GOT1: variants seen among roughly 807,000 people sequenced by gnomAD.
GOT1 encodes the protein aspartate aminotransferase, cytoplasmic.
Under a neutral mutation model 48.2 loss-of-function variants are expected in GOT1, and 25 were observed. That is an observed-to-expected ratio of 0.52 (90% CI 0.38 to 0.72). GOT1 has a LOEUF of 0.72. GOT1 is among the 30% of genes least tolerant of loss of function. The pLI, the probability that GOT1 is intolerant of heterozygous loss-of-function variation, is 0.00. For synonymous variants in GOT1, 188 were observed against 193.8 expected, an observed-to-expected ratio of 0.97 and a Z score of 0.25; for missense variants, 380 against 520.1, an observed-to-expected ratio of 0.73 and a Z score of 2.62.
rs754876320 is a variant in GOT1 at position 99,402,747 on chromosome 10, T to C, written c.960-25A>G. The stretch of plus-strand genomic sequence containing the variant: ...CCTGAAGCATGGACAGTGACGTAAA[T>C]ACCAATCCAGACAGGAAAGATGGTA... On this transcript the variant is annotated intron_variant, in intron 7 of 8. Coordinates refer to ENST00000370508, the MANE Select transcript of GOT1 (RefSeq NM_002079.3). The C allele has an allele frequency of 4.4e-6, 7 of 1,605,404 alleles. No individual in the cohort carries two copies. In the East Asian group the frequency reaches 8.9e-5, roughly 20 times the overall value.
At chr10:99,415,255 G>A (rs1220919974) in intron 2 of GOT1, among the ~76,000 whole-genome samples, 1 of 151,938 alleles carries the variant, frequency 6.6e-6, no homozygotes, top group African/African-American at 2.4e-5. Flanking sequence ...AATGATAAAG[G>A]GGATATCACC....
In GOT1 at chr10:99,403,530, G is replaced by A; in HGVS notation, c.898C>T (p.Pro300Ser). 2 of 1,614,138 alleles carry A rather than the reference G, an allele frequency of 1.2e-6. No individual in the cohort carries two copies. The highest frequency in any genetic ancestry group is 1.7e-6 in the Non-Finnish European group (2 of 1,180,024). Reference protein sequence around the residue: ...KIVRITWSNPPAQGARIVAST... With the variant: ...KIVRITWSNPSAQGARIVAST... ...GCCACAATTCGTGCTCCCTGGGCGG[G>A]GGGATTGGACCAAGTAATCCGCACG... The change falls in exon 7 of 9, where the codon CCC (proline) becomes TCC (serine). Residue 300 changes from proline to serine, a missense_variant. Transcript: ENST00000370508.
rs368123167 is a variant in GOT1 at position 99,420,699 on chromosome 10, C to G, written c.225G>C (p.Leu75=). Residue 75 remains leucine (L), a synonymous_variant, in exon 2 of 9, where the codon CTG becomes CTC. Coordinates refer to ENST00000370508, the MANE Select transcript of GOT1 (RefSeq NM_002079.3). ...NSLNHEYLPI[L]GLAEFRSCAS... is the part of the protein sequence containing the mutation. Reference sequence around the variant, plus strand: ...CACAGCTCCGGAACTCAGCCAGGCCCAGGATTGGCAGATACTCGTGATTTA... The same window carrying G: ...CACAGCTCCGGAACTCAGCCAGGCCGAGGATTGGCAGATACTCGTGATTTA... The G allele has an allele frequency of 2.5e-6, 4 of 1,613,956 alleles. No individual in the cohort carries two copies. The highest frequency in any genetic ancestry group is 3.4e-6 in the Non-Finnish European group (4 of 1,179,848).
chr10:99,403,255 C>A (rs1372236413), intron 7 of GOT1, among the ~76,000 whole-genome samples: 1 of 152,090 alleles, frequency 6.6e-6, no homozygotes, highest in Non-Finnish European at 1.5e-5. Flanking sequence ...AACTACCATT[C>A]ATCGAGTGCC....
intron 4 of GOT1, 30 bp downstream of exon 4, chr10:99,406,107 A>G (rs764454596): frequency 2.1e-6 from 3 of 1,420,084 alleles, no homozygotes; most frequent in African/African-American, 2.8e-5. Flanking sequence ...ACACCATGCA[A>G]TTCTCTACTT....
chr10:99,424,205 T>G (rs997745072), intron 1 of GOT1, among the ~76,000 whole-genome samples: 1 of 152,230 alleles, frequency 6.6e-6, no homozygotes, highest in Non-Finnish European at 1.5e-5. Flanking sequence ...TCTCATTATT[T>G]TGAATAGCCT....
In GOT1 at chr10:99,406,780, A is replaced by G; in HGVS notation, c.370T>C (p.Tyr124His). 3 of 1,613,824 alleles carry G rather than the reference A, an allele frequency of 1.9e-6. No individual in the cohort carries two copies. The highest frequency in any genetic ancestry group is 2.5e-6 in the Non-Finnish European group (3 of 1,179,780). ...GTGTTCTTGTTGTTTGTTCCATTGT[A>G]CCAACGCGCTAAGAAATCAGCTCCA... is the stretch of plus-strand genomic sequence containing the variant. The part of the protein sequence containing the change: ...RIGADFLARW[Y>H]NGTNNKNTPV... Residue 124 changes from tyrosine (Y) to histidine (H), a missense_variant, in exon 3 of 9, where the codon TAC becomes CAC. By Grantham distance (83) the Tyr-to-His change is moderately conservative. Coordinates refer to ENST00000370508, the MANE Select transcript of GOT1 (RefSeq NM_002079.3).
chr10:99,424,342 A>G (rs1173451326), intron 1 of GOT1, among the ~76,000 whole-genome samples: 1 of 152,242 alleles, frequency 6.6e-6, no homozygotes, highest in East Asian at 1.9e-4. Flanking sequence ...ATTTTAAAAA[A>G]TGATCCCTTG....
chr10:99,406,613 C>T, intron 3 of GOT1, 113 bp downstream of exon 3: 1 of 1,056,450 alleles, frequency 9.5e-7, no homozygotes, highest in Non-Finnish European at 1.4e-6. Flanking sequence ...CAAGCCATTC[C>T]CAACAGTCAG....
chr10:99,412,476 T>C (rs2032839139), intron 2 of GOT1, among the ~76,000 whole-genome samples: 1 of 151,590 alleles, frequency 6.6e-6, no homozygotes, highest in African/African-American at 2.4e-5. Context: ...ATTAGTGAAC[T>C]AAGACAGCAG....
chr10:99,429,708 G>A (rs1276288775), intron 1 of GOT1, among the ~76,000 whole-genome samples: 1 of 152,146 alleles, frequency 6.6e-6, no homozygotes, highest in African/African-American at 2.4e-5. Context: ...GGGAAACTGA[G>A]GCCCATGCTC....
At chr10:99,401,205 A>T (rs1223596219) in intron 8 of GOT1, among the ~76,000 whole-genome samples, 1 of 152,226 alleles carries the variant, frequency 6.6e-6, no homozygotes. Flanking sequence ...TAATATTTTT[A>T]TAATTGTGAG....
At chr10:99,419,892 T>G (rs1464440214) in intron 2 of GOT1, among the ~76,000 whole-genome samples, 1 of 152,200 alleles carries the variant, frequency 6.6e-6, no homozygotes, top group Admixed American at 6.5e-5. Context: ...TTCCACTTCC[T>G]GGAACACACA....
intron 2 of GOT1, among the ~76,000 whole-genome samples, chr10:99,418,188 C>T (rs4919309): frequency 0.056 from 8,526 of 151,846 alleles, 359 homozygotes; most frequent in Middle Eastern, 0.1. Flanking sequence ...ATGAAGATGG[C>T]CTTTTAAAAT....
Position 99,397,334 on chromosome 10 carries a change from T to C in GOT1, c.*213A>G. ...TTCTTAAATAAAAATCTTAATTTGC[T>C]TTGACCTCCAAAGGCTCTAATCCCA... On this transcript the variant is annotated 3_prime_UTR_variant, in exon 9 of 9. Coordinates refer to ENST00000370508, the MANE Select transcript of GOT1 (RefSeq NM_002079.3). This position sits in a 1 kb window ranked among gnomAD's most constrained non-coding sequence, Gnocchi z 5.4. 1 of 588,228 alleles carries C rather than the reference T, an allele frequency of 1.7e-6. No homozygotes were observed. 36.4% of individuals were successfully genotyped at this position (588,228 alleles called of 1,614,324 possible).
chr10:99,425,591 T>C lies in GOT1; in HGVS notation c.119-4786A>G, dbSNP rs538879286. Among the ~76,000 whole-genome samples the C allele has an allele frequency of 8.5e-5, 13 of 152,264 alleles. 1 individual carries two copies. In the South Asian group the frequency reaches 1.9e-3, roughly 22 times the overall value. ...GCAGGGATGAAGAAAAGGGGTGCCA[T>C]TGGAAATAGATTCGAGGTAGAAAAG... On this transcript the variant is annotated intron_variant, in intron 1 of 8. Transcript: ENST00000370508.
intron 1 of GOT1, among the ~76,000 whole-genome samples, chr10:99,428,796 T>G (rs1001061038): frequency 6.6e-6 from 1 of 152,234 alleles, no homozygotes. Flanking sequence ...CAAATTCAAT[T>G]TGAGGCAATC....
intron 1 of GOT1, 105 bp from the exon 2 acceptor site, chr10:99,420,910 A>G: frequency 1.1e-6 from 1 of 900,468 alleles, no homozygotes; most frequent in Middle Eastern, 2.3e-4. Flanking sequence ...CGGTCAAAAC[A>G]GAACAGTGAA....
At chr10:99,410,300 C>A (rs1473663134) in intron 2 of GOT1, among the ~76,000 whole-genome samples, 1 of 152,146 alleles carries the variant, frequency 6.6e-6, no homozygotes, top group East Asian at 1.9e-4. Flanking sequence ...GATACCTAAG[C>A]CACTCTAGAG....
Sources: allele counts gnomAD v4.1 joint callset (sites outside exome capture counted in the v4.1 genomes callset), GRCh38; gene constraint gnomAD v4.1.1; non-coding constraint Gnocchi (gnomAD v3.1); transcripts MANE v1.5; gene names NCBI Gene and HGNC (gene_info 2026-07-23, HGNC 2026-07-21).